DGKB: variants seen among roughly 807,000 people sequenced by gnomAD.
The protein encoded by DGKB is 90 kDa diacylglycerol kinase.
Under a neutral mutation model 114.3 loss-of-function variants are expected in DGKB, and 67 were observed. The observed-to-expected ratio is 0.59, with a 90% CI of 0.48 to 0.72. DGKB has a LOEUF of 0.72. Ranked by LOEUF, DGKB falls within the 30% of genes least tolerant of loss-of-function variation. DGKB has a pLI of 0.00. For synonymous variants in DGKB, 398 were observed against 323.1 expected, an observed-to-expected ratio of 1.23 and a Z score of -2.49; for missense variants, 907 against 975.2, an observed-to-expected ratio of 0.93 and a Z score of 0.93.
At chr7:14,327,213 G>T (rs1378318555) in intron 23 of DGKB, among the ~76,000 whole-genome samples, 1 of 151,848 alleles carries the variant, frequency 6.6e-6, no homozygotes, top group Non-Finnish European at 1.5e-5. Flanking sequence ...GTTCCTTTTT[G>T]ATTGCTGACT....
intron 1 of DGKB, among the ~76,000 whole-genome samples, chr7:14,954,176 C>T (rs1479292459): frequency 1.3e-5 from 2 of 152,046 alleles, no homozygotes; most frequent in Admixed American, 6.6e-5. Context: ...TTGACATCCT[C>T]TCTGTCTTCT....
rs145280304 is a variant in DGKB at position 14,830,621 on chromosome 7, C to T, written c.70+10573G>A. On this transcript the variant is annotated intron_variant, in intron 2 of 25. Coordinates refer to ENST00000402815, the MANE Select transcript of DGKB (RefSeq NM_001350709.2). ...TTGCCTTGATTCAGTAAGAAACTAA[C>T]CTGAAAAATATTCTAGAAGTTTTTC... Among the ~76,000 whole-genome samples the T allele has an allele frequency of 9.7e-4, 148 of 152,092 alleles. 1 individual carries two copies. The East Asian group carries it at 0.026, about 27-fold the overall frequency.
At chr7:14,734,641 T>C (rs1013302983) in intron 5 of DGKB, among the ~76,000 whole-genome samples, 2 of 152,236 alleles carry the variant, frequency 1.3e-5, no homozygotes, top group African/African-American at 4.8e-5. Flanking sequence ...AAAACAATGC[T>C]ACCCTTCTTA....
intron 21 of DGKB, among the ~76,000 whole-genome samples, chr7:14,410,915 C>T (rs1824762275): frequency 6.6e-6 from 1 of 152,094 alleles, no homozygotes; most frequent in African/African-American, 2.4e-5. Flanking sequence ...CCAACCTATG[C>T]TCGTTTGACT....
At chr7:14,962,706 A>G (rs540610219) in intron 1 of DGKB, among the ~76,000 whole-genome samples, 3 of 151,474 alleles carry the variant, frequency 2.0e-5, no homozygotes, top group South Asian at 2.1e-4. Context: ...AAAACATGTT[A>G]GTAAAATTGG....
intron 21 of DGKB, among the ~76,000 whole-genome samples, chr7:14,360,416 A>C (rs577653725): frequency 1.8e-4 from 27 of 151,930 alleles, no homozygotes; most frequent in South Asian, 8.3e-4. Flanking sequence ...TACCTATGTA[A>C]TACGTTGTGC....
At chr7:14,150,089 A>AAGAT (rs1434107893) in intron 25 of DGKB, among the ~76,000 whole-genome samples, 1 of 152,146 alleles carries the variant, frequency 6.6e-6, no homozygotes, top group African/African-American at 2.4e-5. Flanking sequence ...GATACATTGT[A>AAGAT]AGATAATAAA....
At chr7:14,481,583 T>A (rs1782998978) in intron 20 of DGKB, among the ~76,000 whole-genome samples, 1 of 151,966 alleles carries the variant, frequency 6.6e-6, no homozygotes, top group Non-Finnish European at 1.5e-5. Context: ...ATCTTTTCAA[T>A]TTTTTTCCAT....
chr7:14,854,143 C>T (rs1025847708), intron 1 of DGKB, among the ~76,000 whole-genome samples: 9 of 152,018 alleles, frequency 5.9e-5, no homozygotes, highest in East Asian at 1.9e-4. Context: ...GGATTATATG[C>T]GATTTGCCAA....
chr7:14,573,472 TG>T (rs891931604), intron 20 of DGKB, among the ~76,000 whole-genome samples: 2 of 72,486 alleles, frequency 2.8e-5, no homozygotes, highest in African/African-American at 1.8e-4. Flanking sequence ...TATCTCTGTG[TG>T]TGTGTGTGTG....
intron 5 of DGKB, among the ~76,000 whole-genome samples, chr7:14,735,402 T>C (rs957032): frequency 3.9e-5 from 6 of 152,046 alleles, no homozygotes; most frequent in Non-Finnish European, 5.9e-5. Flanking sequence ...ATCACCTGTC[T>C]TCTCTTTTTG....
At chr7:14,816,432 C>G (rs1006237312) in intron 2 of DGKB, 1 of 152,180 alleles carries the variant, frequency 6.6e-6, no homozygotes, top group African/African-American at 2.4e-5. Context: ...CAACTCTTCT[C>G]CATGTTGAAT....
intron 23 of DGKB, among the ~76,000 whole-genome samples, chr7:14,287,249 A>G (rs948011638): frequency 1.3e-5 from 2 of 152,106 alleles, no homozygotes; most frequent in Admixed American, 6.6e-5. Flanking sequence ...AAAAATTGAA[A>G]CTAGAGGGTT....
intron 23 of DGKB, among the ~76,000 whole-genome samples, chr7:14,207,451 G>A (rs1350492103): frequency 6.6e-6 from 1 of 151,974 alleles, no homozygotes; most frequent in Non-Finnish European, 1.5e-5. Flanking sequence ...GAAGTCCTAG[G>A]GGTAGCATCC....
chr7:14,504,695 A>G (rs2128961201), intron 20 of DGKB, among the ~76,000 whole-genome samples: 1 of 152,306 alleles, frequency 6.6e-6, no homozygotes, highest in African/African-American at 2.4e-5. Context: ...ACAATCAGAA[A>G]GTACTATTTT....
intron 21 of DGKB, among the ~76,000 whole-genome samples, chr7:14,464,526 TAAG>T (rs1276017489): frequency 6.6e-6 from 1 of 152,180 alleles, no homozygotes; most frequent in Non-Finnish European, 1.5e-5. Flanking sequence ...CATCAGTAAG[TAAG>T]AAGAGTGCAT....
intron 2 of DGKB, among the ~76,000 whole-genome samples, chr7:14,809,162 A>G (rs1210353796): frequency 6.6e-6 from 1 of 152,104 alleles, no homozygotes; most frequent in African/African-American, 2.4e-5. Context: ...AATATCTCAA[A>G]AGAAATTCTA....
chr7:14,428,069 A>G (rs567793967), intron 21 of DGKB, among the ~76,000 whole-genome samples: 7 of 152,178 alleles, frequency 4.6e-5, no homozygotes, highest in African/African-American at 1.7e-4. Context: ...TGAATATTCA[A>G]TAAAAAATAT....
intron 23 of DGKB, among the ~76,000 whole-genome samples, chr7:14,318,592 A>G (rs1807097745): frequency 6.6e-6 from 1 of 152,146 alleles, no homozygotes; most frequent in African/African-American, 2.4e-5. Flanking sequence ...ATGAGATACC[A>G]TCTCACACCA....
Sources: allele counts gnomAD v4.1 joint callset (sites outside exome capture counted in the v4.1 genomes callset), GRCh38; gene constraint gnomAD v4.1.1; transcripts MANE v1.5; gene names NCBI Gene and HGNC (gene_info 2026-07-23, HGNC 2026-07-21).